CTSC: variants seen among roughly 807,000 people sequenced by gnomAD.
CTSC encodes the protein cathepsin C, also known as dipeptidyl peptidase 1.
CTSC carries 37 observed loss-of-function variants against 40.9 expected under a neutral mutation model. The observed-to-expected ratio is 0.91, with a 90% CI of 0.70 to 1.19. The LOEUF (loss-of-function observed/expected upper bound fraction) is 1.19. Among genes scored for constraint, CTSC ranks in the 50% most tolerant of loss-of-function variants. CTSC has a pLI of 0.00. For synonymous variants in CTSC, 232 were observed against 207.4 expected (o/e 1.12, Z -1.02); for missense variants, 594 against 567.3 (o/e 1.05, Z -0.48).
Position 88,294,001 on chromosome 11 carries a change from A to G in CTSC, c.*5T>C. On this transcript the variant is annotated 3_prime_UTR_variant, in exon 7 of 7. Transcript: ENST00000227266. ...AGATCATTATGAAATACTGGAAGGCATACCCTACAATTTAGGAATTGGTGT... is the reference window on the plus strand; with the variant it reads ...AGATCATTATGAAATACTGGAAGGCGTACCCTACAATTTAGGAATTGGTGT... 1 of 1,613,894 alleles carries G rather than the reference A, an allele frequency of 6.2e-7. No homozygotes were observed. The highest frequency in any genetic ancestry group is 8.5e-7 in the Non-Finnish European group (1 of 1,179,966).
At chr11:88,329,546 G>A (rs1938290670) in intron 2 of CTSC, among the ~76,000 whole-genome samples, 1 of 150,664 alleles carries the variant, frequency 6.6e-6, no homozygotes, top group Non-Finnish European at 1.5e-5. Flanking sequence ...CCTGTCTCTG[G>A]GCAATTTGGT....
rs766114323 is a variant in CTSC, at chr11:88,337,727, G to C, written c.-55C>G. ...AATTACCAGGAAGCCGAGCGCTGCG[G>C]GCTAGCGGTGAGTCCACCACGAGGC... On this transcript the variant is annotated 5_prime_UTR_variant, in exon 1 of 7. Coordinates refer to ENST00000227266, the MANE Select transcript of CTSC (RefSeq NM_001814.6). 1 of 1,544,050 alleles carries C rather than the reference G, an allele frequency of 6.5e-7. No individual in the cohort carries two copies. The highest frequency in any genetic ancestry group is 1.4e-5 in the African/African-American group (1 of 73,080).
chr11:88,324,701 C>T, intron 2 of CTSC: 2 of 985,226 alleles, frequency 2.0e-6, no homozygotes, highest in Non-Finnish European at 2.4e-6. Flanking sequence ...GGCATGAAAG[C>T]AGAGGTACCT....
intron 2 of CTSC, among the ~76,000 whole-genome samples, chr11:88,331,819 A>T (rs548931421): frequency 6.6e-6 from 1 of 152,274 alleles, no homozygotes; most frequent in African/African-American, 2.4e-5. Context: ...TAGAAACCAT[A>T]ATCAGATTAG....
Position 88,308,472 on chromosome 11 carries a change from ATTATTTTATT to A in CTSC, c.641+681_641+690del, listed in dbSNP as rs59621344. The stretch of plus-strand genomic sequence containing the variant: ...GGGAAATTTTATATTTATTTTATTT[ATTATTTTATT>A]TTATTTTATTTTATCTTACCTTATC... On this transcript the variant is annotated intron_variant, in intron 4 of 6. Transcript: ENST00000227266. Among the ~76,000 whole-genome samples, 21 of 150,446 alleles carry A rather than the reference ATTATTTTATT, an allele frequency of 1.4e-4. No individual in the cohort carries two copies. The East Asian group carries it at 1.8e-3, about 13-fold the overall frequency.
Position 88,294,467 on chromosome 11 carries a change from C to T in CTSC, c.931G>A (p.Ala311Thr), listed in dbSNP as rs1188255560. 21 of 1,613,978 alleles carry T rather than the reference C, an allele frequency of 1.3e-5. No individual in the cohort carries two copies. Among genetic ancestry groups the T allele is most frequent in the African/African-American group, 1.3e-5 (1 of 74,910 alleles). ...GFPYLIAGKY[A>T]QDFGLVEEAC... Reference sequence around the variant, plus strand: ...TCTTCCACCAGCCCAAAATCTTGGGCGTACTTTCCTGCAATAAGGTATGGG... The same window carrying T: ...TCTTCCACCAGCCCAAAATCTTGGGTGTACTTTCCTGCAATAAGGTATGGG... The change falls in exon 7 of 7, where the codon GCC becomes ACC. Residue 311 changes from alanine (A) to threonine (T), a missense_variant. Transcript: ENST00000227266.
At chr11:88,318,184 A>C (rs1937920772) in intron 2 of CTSC, among the ~76,000 whole-genome samples, 2 of 152,252 alleles carry the variant, frequency 1.3e-5, no homozygotes, top group Admixed American at 1.3e-4. Flanking sequence ...ATGTCTGAAT[A>C]CTTACTTTAC....
chr11:88,328,842 T>TC (rs1306134667), intron 2 of CTSC, among the ~76,000 whole-genome samples: 1 of 152,128 alleles, frequency 6.6e-6, no homozygotes, highest in Admixed American at 6.5e-5. Context: ...GAGGCTGGAC[T>TC]CCATCTTCTG....
rs143217741 is a variant in CTSC at position 88,328,204 on chromosome 11, G to A, written c.318+6733C>T. 7.8e-5 allele frequency: 124 copies of A among 1,596,322 alleles called. No individual in the cohort carries two copies. The African/African-American group carries it at 1.4e-3, about 18-fold the overall frequency. On this transcript the variant is annotated intron_variant, in intron 2 of 6. Coordinates refer to ENST00000227266, the MANE Select transcript of CTSC (RefSeq NM_001814.6). ...GATAAAATCAGTGACATCCTACAAA[G>A]AGTTTACAATGGTAAACTGAGTCAT...
At chr11:88,320,913 T>C (rs1245236473) in intron 2 of CTSC, 7 of 941,222 alleles carry the variant, frequency 7.4e-6, no homozygotes, top group Non-Finnish European at 8.9e-6. Context: ...TAAGATGGAG[T>C]TGATCCTTGC....
rs1937783525 is a variant in CTSC at position 88,312,414 on chromosome 11, T to C, written c.459A>G (p.Ile153Met). The C allele has an allele frequency of 4.3e-6, 7 of 1,614,196 alleles. No homozygotes were observed. The highest frequency in any genetic ancestry group is 5.9e-6 in the Non-Finnish European group (7 of 1,180,002). Residue 153 changes from isoleucine (I) to methionine (M), a missense_variant, in exon 3 of 7, where the codon ATA becomes ATG. Ile to Met is a conservative substitution (Grantham distance 10). Coordinates refer to ENST00000227266, the MANE Select transcript of CTSC (RefSeq NM_001814.6). ...GTASENVYVN[I>M]AHLKNSQEKY... is the part of the protein sequence containing the mutation. ...TTTCCTGAGAATTCTTAAGGTGTGC[T>C]ATGTTGACATACACATTCTCAGAGG...
At chr11:88,316,023 G>T (rs1400452254) in intron 2 of CTSC, among the ~76,000 whole-genome samples, 1 of 151,796 alleles carries the variant, frequency 6.6e-6, no homozygotes, top group African/African-American at 2.4e-5. Flanking sequence ...AAAAAAAAAG[G>T]TGCAGAGAAT....
At chr11:88,326,201 A>T in intron 2 of CTSC, 1 of 1,370,374 alleles carries the variant, frequency 7.3e-7, no homozygotes, top group Non-Finnish European at 9.4e-7. Flanking sequence ...CACATTCCAA[A>T]ATGATGTTTA....
At chr11:88,313,485 CTTAT>C (rs1937812338) in intron 2 of CTSC, among the ~76,000 whole-genome samples, 1 of 152,110 alleles carries the variant, frequency 6.6e-6, no homozygotes, top group Non-Finnish European at 1.5e-5. Flanking sequence ...GGCCTTTTGT[CTTAT>C]TTCAGTGTTA....
In CTSC at chr11:88,337,497, T is replaced by G. The variant is rs749606651; in HGVS notation, c.172+4A>C. On this transcript the variant is annotated splice_donor_region_variant and intron_variant, in intron 1 of 6. Coordinates refer to ENST00000227266, the MANE Select transcript of CTSC (RefSeq NM_001814.6). ...CCCGGAGGACTGCCGAGCCGGCGGC[T>G]TACCCATAACCGAGCAGTTGACATC... is the stretch of plus-strand genomic sequence containing the variant. 6.4e-7 allele frequency: 1 copy of G among 1,569,192 alleles called. No homozygotes were observed. The highest frequency in any genetic ancestry group is 1.2e-5 in the South Asian group (1 of 85,602).
chr11:88,322,835 G>A (rs1315597593), intron 2 of CTSC: 2 of 152,170 alleles, frequency 1.3e-5, no homozygotes, highest in Non-Finnish European at 2.9e-5. Context: ...AATTCTACCA[G>A]AGGTACAAAG....
chr11:88,329,180 T>TACA (rs1555032067), intron 2 of CTSC, among the ~76,000 whole-genome samples: 1 of 151,526 alleles, frequency 6.6e-6, no homozygotes, highest in South Asian at 2.1e-4. Context: ...TGAGAAACAG[T>TACA]AGGTTAGAAA....
At chr11:88,296,413 A>G in intron 5 of CTSC, 149 bp from the exon 6 acceptor site, 1 of 915,794 alleles carries the variant, frequency 1.1e-6, no homozygotes. Context: ...TCAACTAACA[A>G]GCATTGTTGA....
chr11:88,308,886 T>C (rs551636901), intron 4 of CTSC, among the ~76,000 whole-genome samples: 4 of 151,898 alleles, frequency 2.6e-5, no homozygotes, highest in Non-Finnish European at 4.4e-5. Context: ...GGCTAATCCA[T>C]AGCATGGGGG....
Sources: gnomAD v4.1 joint callset for allele counts (sites outside exome capture counted in the v4.1 genomes callset) on GRCh38, gnomAD v4.1.1 for gene constraint, MANE v1.5 for transcripts, NCBI Gene and HGNC (gene_info 2026-07-23, HGNC 2026-07-21) for gene names.